The following NEGR1 variants were observed in gnomAD, a reference collection of about 807,000 sequenced individuals.
NEGR1 encodes IgLON family member 4.
NEGR1 carries 10 observed loss-of-function variants against 40.9 expected under a neutral mutation model. The observed-to-expected ratio is 0.24, with a 90% CI of 0.15 to 0.42. The LOEUF is 0.42. NEGR1 is among the 10% of genes least tolerant of loss of function. NEGR1 has a pLI of 1.00. For missense variants in NEGR1, 352 were observed against 438.9 expected, an observed-to-expected ratio of 0.80 and a Z score of 1.77; for synonymous variants, 185 against 166.8, an observed-to-expected ratio of 1.11 and a Z score of -0.84.
chr1:71,855,452 C>A (rs1355976064), intron 2 of NEGR1, among the ~76,000 whole-genome samples: 1 of 151,956 alleles, frequency 6.6e-6, no homozygotes, highest in African/African-American at 2.4e-5. Flanking sequence ...CTGGAGGAGG[C>A]TGCCATAGCC....
At chr1:71,737,366 G>C (rs1367821817) in intron 3 of NEGR1, among the ~76,000 whole-genome samples, 1 of 143,200 alleles carries the variant, frequency 7.0e-6, no homozygotes, top group Non-Finnish European at 1.5e-5. Flanking sequence ...TTTTTTCCTT[G>C]GGAGGGAATG....
intron 6 of NEGR1, among the ~76,000 whole-genome samples, chr1:71,539,037 T>C: frequency 6.6e-6 from 1 of 151,764 alleles, no homozygotes; most frequent in Non-Finnish European, 1.5e-5. Flanking sequence ...TAGTGGTTGA[T>C]AATAGAGTTT....
At chr1:71,685,877 T>C (rs1382300425) in intron 4 of NEGR1, among the ~76,000 whole-genome samples, 1 of 152,196 alleles carries the variant, frequency 6.6e-6, no homozygotes, top group Non-Finnish European at 1.5e-5. Context: ...TATGAAATCT[T>C]GTTTATGCCA....
At chr1:71,671,681 G>T (rs553125233) in intron 4 of NEGR1, among the ~76,000 whole-genome samples, 1 of 152,016 alleles carries the variant, frequency 6.6e-6, no homozygotes, top group East Asian at 1.9e-4. Context: ...GTATCTGATT[G>T]TCTGATAAAT....
intron 6 of NEGR1, among the ~76,000 whole-genome samples, chr1:71,558,722 C>CTTTTTTTTTTTTTT (rs34141206): frequency 7.4e-6 from 1 of 134,312 alleles, no homozygotes; most frequent in Non-Finnish European, 1.6e-5. Context: ...TCTTTTCTTT[C>CTTTTTTTTTTTTTT]TTTTTTTTTT....
At chr1:71,905,619 A>C (rs1661254834) in intron 2 of NEGR1, among the ~76,000 whole-genome samples, 1 of 152,098 alleles carries the variant, frequency 6.6e-6, no homozygotes, top group Non-Finnish European at 1.5e-5. Context: ...TTATGTTGCA[A>C]ATAAAGTAAA....
At chr1:72,063,729 A>G (rs931560060) in intron 1 of NEGR1, among the ~76,000 whole-genome samples, 3 of 151,992 alleles carry the variant, frequency 2.0e-5, no homozygotes, top group African/African-American at 7.2e-5. Flanking sequence ...CTCACATGCC[A>G]TCCTAAAAGT....
Position 72,165,703 on chromosome 1 carries a change from C to T in NEGR1, c.176+116616G>A, listed in dbSNP as rs143956284. Among the ~76,000 whole-genome samples the T allele has an allele frequency of 4.5e-3, 682 of 152,098 alleles. 5 individuals are homozygous for T. Among genetic ancestry groups the T allele is most frequent in the African/African-American group, 0.015 (642 of 41,546 alleles). On this transcript the variant is annotated intron_variant, in intron 1 of 6. Transcript: ENST00000357731. ...TGTAGCAAGGCATGGTGTCCATTCT[C>T]GGCATCTAAATACTTATAAAACTAT...
chr1:71,646,869 C>A (rs542475352), intron 4 of NEGR1, among the ~76,000 whole-genome samples: 1 of 151,804 alleles, frequency 6.6e-6, no homozygotes, highest in African/African-American at 2.4e-5. Flanking sequence ...ATTAACAATT[C>A]TAACATAAAT....
In NEGR1 at chr1:72,196,708, G is replaced by C. The variant is rs1230866894; in HGVS notation, c.176+85611C>G. Among the ~76,000 whole-genome samples, 3 of 150,344 alleles carry C rather than the reference G, an allele frequency of 2.0e-5. 1 individual carries two copies. In the South Asian group the frequency reaches 6.3e-4, roughly 31 times the overall value. ...GAACCGGGGTGGCTGAGATTGTAGT[G>C]AGCCAAGATCATGCCACTGCACTTC... On this transcript the variant is annotated intron_variant, in intron 1 of 6. Transcript: ENST00000357731.
At chr1:71,887,402 T>C (rs1248093613) in intron 2 of NEGR1, among the ~76,000 whole-genome samples, 1 of 152,224 alleles carries the variant, frequency 6.6e-6, no homozygotes, top group Non-Finnish European at 1.5e-5. Flanking sequence ...AATGTGAATA[T>C]TTTTATTTTC....
chr1:72,265,134 C>G (rs1655598339), intron 1 of NEGR1, among the ~76,000 whole-genome samples: 1 of 150,650 alleles, frequency 6.6e-6, no homozygotes, highest in South Asian at 2.1e-4. Flanking sequence ...GATTTTTTTT[C>G]TCTAGCCTAC....
chr1:71,523,592 A>G (rs1647179566), intron 6 of NEGR1, among the ~76,000 whole-genome samples: 1 of 151,870 alleles, frequency 6.6e-6, no homozygotes, highest in African/African-American at 2.4e-5. Flanking sequence ...AAAGTCGGCT[A>G]CTGATGCTGG....
intron 1 of NEGR1, among the ~76,000 whole-genome samples, chr1:72,229,622 T>A (rs1477149635): frequency 6.6e-6 from 1 of 151,364 alleles, no homozygotes; most frequent in Non-Finnish European, 1.5e-5. Flanking sequence ...TTGAGTGTCA[T>A]GCTTATGGTA....
At chr1:72,118,202 AC>A (rs1158886001) in intron 1 of NEGR1, among the ~76,000 whole-genome samples, 1 of 151,726 alleles carries the variant, frequency 6.6e-6, no homozygotes, top group Non-Finnish European at 1.5e-5. Flanking sequence ...TCTTTGAAAT[AC>A]CCCTTATTAG....
chr1:71,757,387 C>G (rs1305616712), intron 3 of NEGR1, among the ~76,000 whole-genome samples: 2 of 152,020 alleles, frequency 1.3e-5, no homozygotes, highest in African/African-American at 2.4e-5. Flanking sequence ...AGAAGAAAAA[C>G]TTGGCACCAT....
intron 4 of NEGR1, among the ~76,000 whole-genome samples, chr1:71,613,685 A>G (rs1650347655): frequency 6.6e-6 from 1 of 152,068 alleles, no homozygotes; most frequent in Admixed American, 6.6e-5. Context: ...TTTGGAGGGA[A>G]ACATTAGGAG....
At position 71,651,949 on chromosome 1, in the gene NEGR1, C is replaced by T. The variant is rs148276036; in HGVS notation, c.668-40803G>A. Among the ~76,000 whole-genome samples, 362 of 152,176 alleles carry T rather than the reference C, an allele frequency of 2.4e-3. 6 individuals carry two copies. The highest frequency in any genetic ancestry group is 0.018 in the East Asian group (95 of 5,176). ...ATTCCCTGTAAATTTCTTGAGTGTG[C>T]TTACTAAATTCCAGGAATTATACTA... On this transcript the variant is annotated intron_variant, in intron 4 of 6. Coordinates refer to ENST00000357731, the MANE Select transcript of NEGR1 (RefSeq NM_173808.3).
intron 1 of NEGR1, among the ~76,000 whole-genome samples, chr1:72,069,816 C>T (rs1389396709): frequency 6.6e-6 from 1 of 152,110 alleles, no homozygotes; most frequent in Non-Finnish European, 1.5e-5. Context: ...ACCTGTGGCA[C>T]ACTAATGATC....
Sources: allele counts gnomAD v4.1 joint callset (sites outside exome capture counted in the v4.1 genomes callset), GRCh38; gene constraint gnomAD v4.1.1; transcripts MANE v1.5; gene names NCBI Gene and HGNC (gene_info 2026-07-23, HGNC 2026-07-21).